MCF2L: variants seen among roughly 807,000 people sequenced by gnomAD.
The protein encoded by MCF2L is MCF.2 cell line derived transforming sequence like.
Under a neutral mutation model 153.4 loss-of-function variants are expected in MCF2L, and 97 were observed. The observed-to-expected ratio is 0.63, with a 90% CI of 0.54 to 0.75. MCF2L has a LOEUF of 0.75. Among genes scored for constraint, MCF2L ranks in the 30% least tolerant of loss-of-function variants. MCF2L has a pLI of 0.00. For missense variants in MCF2L, 1,347 were observed against 1,495.2 expected, an observed-to-expected ratio of 0.90 and a Z score of 1.64; for synonymous variants, 659 against 632.2, an observed-to-expected ratio of 1.04 and a Z score of -0.64.
At chr13:112,979,452 G>T in intron 1 of MCF2L, 1 of 1,419,576 alleles carries the variant, frequency 7.0e-7, no homozygotes, top group Non-Finnish European at 9.2e-7. Context: ...AGGTGGCTCA[G>T]CCCTCTTGGG....
intron 2 of MCF2L, among the ~76,000 whole-genome samples, chr13:112,916,429 C>G (rs1306978037): frequency 6.6e-6 from 1 of 152,202 alleles, no homozygotes; most frequent in African/African-American, 2.4e-5. Context: ...GCTTGACTCA[C>G]TGGTGTTTCA....
At chr13:112,990,668 A>G (rs2082863363) in intron 1 of MCF2L, among the ~76,000 whole-genome samples, 1 of 152,226 alleles carries the variant, frequency 6.6e-6, no homozygotes, top group Admixed American at 6.5e-5. Context: ...TGTGGAGCTA[A>G]GAACAAATGA....
chr13:113,096,852 AGGGGTAGCGCGGCCTCG>A lies in MCF2L; in HGVS notation c.3373_*11del. The stretch of plus-strand genomic sequence containing the variant: ...GGCCAGGCCCCCTTCTCCGACCTGC[AGGGGTAGCGCGGCCTCG>A]GCGCCGGAGACCCGCGCGCTGTCTG... On this transcript the variant is annotated stop_lost and 3_prime_UTR_variant, in exon 30 of 30. Transcript: ENST00000535094. 6.8e-7 allele frequency: 1 copy of A among 1,468,578 alleles called. No individual in the cohort carries two copies. 91.0% of individuals were successfully genotyped at this position (1,468,578 alleles called of 1,614,324 possible). A position where few individuals can be genotyped will look rare whatever the true frequency, so the allele number is the denominator to read the frequency against.
At chr13:113,005,077 C>T (rs866454566) in intron 1 of MCF2L, among the ~76,000 whole-genome samples, 2 of 152,320 alleles carry the variant, frequency 1.3e-5, no homozygotes, top group South Asian at 2.1e-4. Context: ...CACGTGGAAT[C>T]GACCCCAGTG....
At chr13:113,033,396 T>C (rs375222463) in intron 3 of MCF2L, among the ~76,000 whole-genome samples, 2,240 of 18,302 alleles carry the variant, frequency 0.12, 35 homozygotes, top group Non-Finnish European at 0.15. Context: ...GCCCCCGTGA[T>C]GTGAGTGGAC....
At chr13:112,950,657 A>G (rs754806299) in intron 2 of MCF2L, among the ~76,000 whole-genome samples, 37 of 152,362 alleles carry the variant, frequency 2.4e-4, no homozygotes, top group Non-Finnish European at 4.4e-5. Flanking sequence ...ATAGTGCTGA[A>G]GTAATTGGAT....
chr13:113,010,286 A>T (rs949239896), intron 1 of MCF2L: 1 of 152,178 alleles, frequency 6.6e-6, no homozygotes, highest in African/African-American at 2.4e-5. Flanking sequence ...TTCAGGATGA[A>T]ATTGTCCTCA....
chr13:112,980,056 G>A (rs1409660923), intron 1 of MCF2L, among the ~76,000 whole-genome samples: 2 of 152,324 alleles, frequency 1.3e-5, no homozygotes, highest in Admixed American at 6.5e-5. Flanking sequence ...CGAGGGAAGC[G>A]GCAGTGGTGG....
intron 3 of MCF2L, chr13:113,026,731 A>G (rs1278397023): frequency 8.4e-6 from 5 of 592,670 alleles, no homozygotes; most frequent in Non-Finnish European, 1.5e-5. Flanking sequence ...CTTTCCAGGA[A>G]AGAACTGACC....
intron 2 of MCF2L, among the ~76,000 whole-genome samples, chr13:112,936,002 G>A (rs927018373): frequency 6.6e-6 from 1 of 152,182 alleles, no homozygotes; most frequent in Non-Finnish European, 1.5e-5. Flanking sequence ...GCCCTTGGCT[G>A]GGCATGTTGG....
intron 2 of MCF2L, chr13:112,958,208 T>C (rs1335618762): frequency 6.6e-6 from 1 of 152,250 alleles, no homozygotes; most frequent in Non-Finnish European, 1.5e-5. Flanking sequence ...CCTTAGGAGA[T>C]GCGTGGACGT....
intron 25 of MCF2L, 100 bp from the exon 26 acceptor site, chr13:113,089,510 G>A (rs756665470): frequency 4.2e-5 from 33 of 776,678 alleles, no homozygotes; most frequent in African/African-American, 2.8e-4. Context: ...GGATCAGGCC[G>A]GGAGCTCAGA....
At chr13:113,007,698 T>C (rs1376820568) in intron 1 of MCF2L, among the ~76,000 whole-genome samples, 1 of 152,132 alleles carries the variant, frequency 6.6e-6, no homozygotes, top group Non-Finnish European at 1.5e-5. Flanking sequence ...GTCACTGTCC[T>C]TTGTAAGCTT....
chr13:113,078,431 G>A lies in MCF2L; in HGVS notation c.1729G>A (p.Ala577Thr), dbSNP rs775144196. The A allele has an allele frequency of 1.2e-6, 2 of 1,611,016 alleles. No individual in the cohort carries two copies. Among genetic ancestry groups the A allele is most frequent in the African/African-American group, 2.7e-5 (2 of 74,928 alleles). ...GCTCCGGAGAGGGCCCTACCGGAGG[G>A]CCAAGGTGAGGCTTGCCCAAGACAA... is the stretch of plus-strand genomic sequence containing the variant. ...GALRRGPYRR[A>T]KSEMSESRQG... is the part of the protein sequence containing the mutation. Residue 577 changes from alanine (A) to threonine (T), a missense_variant, in exon 14 of 30, where the codon GCC becomes ACC. Coordinates refer to ENST00000535094, the MANE Select transcript of MCF2L (RefSeq NM_001112732.3).
chr13:113,031,879 C>T lies in MCF2L; in HGVS notation c.278+7121C>T, dbSNP rs1249161010. Among the ~76,000 whole-genome samples, 1 of 151,986 alleles carries T rather than the reference C, an allele frequency of 6.6e-6. No individual in the cohort carries two copies. Among genetic ancestry groups the T allele is most frequent in the Admixed American group, 6.6e-5 (1 of 15,260 alleles). On this transcript the variant is annotated intron_variant, in intron 3 of 29. Coordinates refer to ENST00000535094, the MANE Select transcript of MCF2L (RefSeq NM_001112732.3). This position sits in a 1 kb window ranked among gnomAD's most constrained non-coding sequence, Gnocchi z 5.5. ...GGCTTGCACATGCCACACACACACA[C>T]ACACACACACAGATGCACGCAGACA...
rs545478701 is a variant in MCF2L at position 113,095,778 on chromosome 13, G to C, written c.3076-593G>C. 2.2e-5 allele frequency: 22 copies of C among 1,001,000 alleles called. No individual in the cohort carries two copies. The South Asian group carries it at 8.8e-4, about 40-fold the overall frequency. The allele number at this position is 1,001,000 out of a possible 1,614,324, so 62.0% of individuals were successfully genotyped here. On this transcript the variant is annotated intron_variant, in intron 27 of 29. Coordinates refer to ENST00000535094, the MANE Select transcript of MCF2L (RefSeq NM_001112732.3). ...AGGCTGTGAATCTCCCCACTCTGTA[G>C]GAACAGCTGCCGCTTCCTGGGTCCC... is the stretch of plus-strand genomic sequence containing the variant.
At chr13:113,033,244 C>T (rs1392447239) in intron 3 of MCF2L, among the ~76,000 whole-genome samples, 1 of 139,962 alleles carries the variant, frequency 7.1e-6, no homozygotes, top group African/African-American at 2.7e-5. Context: ...CGTGAGTGGC[C>T]CCCGTGACAT....
Position 113,096,573 on chromosome 13 carries a change from G to A in MCF2L, c.3212G>A (p.Gly1071Asp), listed in dbSNP as rs373454262. ...AGGTACGTCAGGGACCCGACCACTGGCAAGGAGGGCTGGGTGCCGGCCAGC... is the reference window on the plus strand; with the variant it reads ...AGGTACGTCAGGGACCCGACCACTGACAAGGAGGGCTGGGTGCCGGCCAGC... Reference protein sequence around the residue: ...GLWYVRDPTTGKEGWVPASSL... With the variant: ...GLWYVRDPTTDKEGWVPASSL... The change falls in exon 29 of 30, where the codon GGC becomes GAC. Residue 1071 changes from glycine (G) to aspartate (D), a missense_variant. By Grantham distance (94) the Gly-to-Asp change is moderately conservative (BLOSUM62 -1). Coordinates refer to ENST00000535094, the MANE Select transcript of MCF2L (RefSeq NM_001112732.3). 110 of 1,604,620 alleles carry A rather than the reference G, an allele frequency of 6.9e-5. No homozygotes were observed. The highest frequency in any genetic ancestry group is 9.2e-5 in the Non-Finnish European group (108 of 1,178,322).
chr13:113,086,231 C>T lies in MCF2L; in HGVS notation c.2355C>T (p.Ile785=), dbSNP rs1187833817. 1.5e-5 allele frequency: 24 copies of T among 1,610,032 alleles called. No individual in the cohort carries two copies. Among genetic ancestry groups the T allele is most frequent in the South Asian group, 6.6e-5 (6 of 90,630 alleles). The change falls in exon 21 of 30, where the codon ATC becomes ATT. Residue 785 remains isoleucine (I), a synonymous_variant. Transcript: ENST00000535094. ...LKAVNDSMHL[I]AITGYDGNLG... The stretch of plus-strand genomic sequence containing the variant: ...CCGTGAACGACTCCATGCACCTCAT[C>T]GCTATCACCGGCTATGACGTAAGGC...
Sources: gnomAD v4.1 joint callset for allele counts (sites outside exome capture counted in the v4.1 genomes callset) on GRCh38, gnomAD v4.1.1 for gene constraint, Gnocchi (gnomAD v3.1) non-coding constraint, MANE v1.5 for transcripts, NCBI Gene and HGNC (gene_info 2026-07-23, HGNC 2026-07-21) for gene names.